The following ATG10 variants were observed in gnomAD, a reference collection of about 807,000 sequenced individuals.
The protein encoded by ATG10 is autophagy related 10.
A neutral mutation model predicts 32.1 loss-of-function variants in ATG10; 30 were observed. That is an observed-to-expected ratio of 0.94 (90% CI 0.70 to 1.27). The LOEUF is 1.27. Ranked by LOEUF, ATG10 falls within the 50% of genes most tolerant of loss-of-function variation. The probability of loss-of-function intolerance (pLI) is 0.00; values close to 1 mark genes in which losing one functional copy is unlikely to be tolerated. For missense variants in ATG10, 233 were observed against 262.3 expected (o/e 0.89, Z 0.77); for synonymous variants, 87 against 91.5 (o/e 0.95, Z 0.28).
At position 82,135,700 on chromosome 5, in the gene ATG10, T is replaced by C. The variant is rs181397126; in HGVS notation, c.217-28699T>C. 1.8e-3 allele frequency among the ~76,000 whole-genome samples: 280 copies of C among 152,308 alleles called. 1 individual carries two copies. The highest frequency in any genetic ancestry group is 6.3e-3 in the African/African-American group (260 of 41,562). On this transcript the variant is annotated intron_variant, in intron 3 of 7. Transcript: ENST00000282185. ...CTGAGAAGAATGTATATGCTGTTGA[T>C]TTGGGGTGGAGAGTTCTGTAGATGT...
chr5:82,111,659 ATAGAC>A (rs1210629846), intron 3 of ATG10, among the ~76,000 whole-genome samples: 1 of 152,006 alleles, frequency 6.6e-6, no homozygotes, highest in African/African-American at 2.4e-5. Context: ...AAAATCCTAA[ATAGAC>A]TGAATAATTA....
intron 5 of ATG10, among the ~76,000 whole-genome samples, chr5:82,229,471 A>C (rs1171527948): frequency 1.3e-5 from 2 of 152,212 alleles, no homozygotes; most frequent in Non-Finnish European, 2.9e-5. Context: ...TTTGGATGCC[A>C]CTTTCTTATT....
chr5:82,150,705 C>T (rs1007920330), intron 3 of ATG10, among the ~76,000 whole-genome samples: 4 of 152,172 alleles, frequency 2.6e-5, no homozygotes, highest in African/African-American at 9.7e-5. Context: ...CTGGCCTTTC[C>T]TCAGTACAGT....
chr5:81,980,210 CTCTTTT>C (rs1442479898), intron 1 of ATG10, among the ~76,000 whole-genome samples: 1 of 152,062 alleles, frequency 6.6e-6, no homozygotes, highest in East Asian at 1.9e-4. Context: ...CTTTCCCTTT[CTCTTTT>C]TCTTTTTAAA....
At chr5:82,174,748 C>T (rs1324058652) in intron 4 of ATG10, among the ~76,000 whole-genome samples, 2 of 152,104 alleles carry the variant, frequency 1.3e-5, no homozygotes, top group African/African-American at 4.8e-5. Context: ...GAACAGTGGT[C>T]TTTTGAATAT....
At chr5:81,978,078 C>CT (rs962938112) in intron 1 of ATG10, among the ~76,000 whole-genome samples, 58 of 151,328 alleles carry the variant, frequency 3.8e-4, no homozygotes, top group Admixed American at 1.3e-4. Flanking sequence ...TTGTGTTGGT[C>CT]TTTTTTTTTG....
At chr5:82,093,097 A>T (rs1372775958) in intron 3 of ATG10, among the ~76,000 whole-genome samples, 1 of 152,158 alleles carries the variant, frequency 6.6e-6, no homozygotes, top group African/African-American at 2.4e-5. Flanking sequence ...CACTGACTTT[A>T]AGCAATTTGA....
chr5:82,094,672 G>A lies in ATG10; in HGVS notation c.216+36070G>A, dbSNP rs866201292. Among the ~76,000 whole-genome samples the A allele has an allele frequency of 6.1e-4, 93 of 152,142 alleles. 2 individuals carry two copies. The highest frequency in any genetic ancestry group is 1.0e-3 in the Admixed American group (16 of 15,266). ...TATTGATAAAACCAGGAAATAACTT[G>A]AATGTCAATTATTAGTTAATTTTTG... On this transcript the variant is annotated intron_variant, in intron 3 of 7. Transcript: ENST00000282185.
chr5:82,226,456 T>G (rs1746135012), intron 5 of ATG10, among the ~76,000 whole-genome samples: 1 of 152,198 alleles, frequency 6.6e-6, no homozygotes, highest in Admixed American at 6.5e-5. Flanking sequence ...TTCCCTGAAG[T>G]ATTAGTATTT....
intron 2 of ATG10, among the ~76,000 whole-genome samples, chr5:82,058,253 A>T (rs1365423134): frequency 1.3e-5 from 2 of 152,168 alleles, no homozygotes; most frequent in East Asian, 3.8e-4. Flanking sequence ...AAAAAGGGAA[A>T]GGTTTAATCT....
At chr5:81,985,744 T>G (rs1761244848) in intron 1 of ATG10, among the ~76,000 whole-genome samples, 1 of 152,200 alleles carries the variant, frequency 6.6e-6, no homozygotes, top group East Asian at 1.9e-4. Flanking sequence ...AGGCATTTGC[T>G]TATAGAAATA....
chr5:82,011,447 G>A lies in ATG10; in HGVS notation c.108+23769G>A, dbSNP rs138760088. Among the ~76,000 whole-genome samples the A allele has an allele frequency of 7.2e-4, 109 of 152,196 alleles. 1 individual carries two copies. The highest frequency in any genetic ancestry group is 2.4e-3 in the African/African-American group (98 of 41,536). On this transcript the variant is annotated intron_variant, in intron 2 of 7. Transcript: ENST00000282185. ...GCCAACCTGCCTCTAAGCCTGCCAA[G>A]GTGATCTTATAAAATGCAATTCCAC...
At chr5:81,988,365 C>A (rs1278160978) in intron 2 of ATG10, among the ~76,000 whole-genome samples, 2 of 152,142 alleles carry the variant, frequency 1.3e-5, no homozygotes, top group African/African-American at 4.8e-5. Context: ...TCTCGAACTC[C>A]TGGCCTCAAG....
intron 3 of ATG10, among the ~76,000 whole-genome samples, chr5:82,154,234 A>G (rs1256299647): frequency 6.6e-6 from 1 of 152,244 alleles, no homozygotes; most frequent in Non-Finnish European, 1.5e-5. Flanking sequence ...TCATTAATTT[A>G]CATATTATCT....
intron 3 of ATG10, among the ~76,000 whole-genome samples, chr5:82,079,570 G>A (rs1313150254): frequency 6.6e-6 from 1 of 151,760 alleles, no homozygotes; most frequent in Non-Finnish European, 1.5e-5. Flanking sequence ...CTGTGTCCAA[G>A]TGTTCTCATT....
At chr5:82,166,221 A>C (rs1395643933) in intron 4 of ATG10, among the ~76,000 whole-genome samples, 9 of 152,236 alleles carry the variant, frequency 5.9e-5, no homozygotes, top group Admixed American at 6.5e-5. Context: ...TTTTAAAAAA[A>C]CACAATTAAC....
intron 3 of ATG10, among the ~76,000 whole-genome samples, chr5:82,143,147 G>A (rs941892625): frequency 6.6e-6 from 1 of 152,240 alleles, no homozygotes; most frequent in Non-Finnish European, 1.5e-5. Context: ...GGTGGAGCCA[G>A]TGCTGTGGGA....
intron 5 of ATG10, among the ~76,000 whole-genome samples, chr5:82,220,782 G>T (rs188267320): frequency 8.3e-4 from 121 of 145,296 alleles, no homozygotes; most frequent in African/African-American, 2.7e-3. Context: ...TTTTGTTAAA[G>T]ATGGAATCTC....
intron 3 of ATG10, among the ~76,000 whole-genome samples, chr5:82,129,431 T>G (rs1766423006): frequency 6.6e-6 from 1 of 152,104 alleles, no homozygotes; most frequent in Non-Finnish European, 1.5e-5. Context: ...CATTCTGGTT[T>G]TTGGAATTTT....
Sources: allele counts gnomAD v4.1 joint callset (sites outside exome capture counted in the v4.1 genomes callset), GRCh38; gene constraint gnomAD v4.1.1; transcripts MANE v1.5; gene names NCBI Gene and HGNC (gene_info 2026-07-23, HGNC 2026-07-21).